ALMS1: variants seen among roughly 807,000 people sequenced by gnomAD.
ALMS1 encodes centrosome-associated protein ALMS1.
In ALMS1, 271 loss-of-function variants were observed where a neutral mutation model predicts 352.2. The ratio of observed to expected loss-of-function variants is 0.77; its 90% CI spans 0.70 to 0.85. ALMS1 has a LOEUF of 0.85. Ranked by LOEUF, ALMS1 falls within the 40% of genes least tolerant of loss-of-function variation. ALMS1 has a pLI of 0.00. For synonymous variants in ALMS1, 1,865 were observed against 1,761.2 expected (o/e 1.06, Z -1.48); for missense variants, 5,445 against 4,870.7 (o/e 1.12, Z -3.51).
chr2:73,461,846 A>G (rs1007620514), intron 9 of ALMS1, among the ~76,000 whole-genome samples: 1 of 152,206 alleles, frequency 6.6e-6, no homozygotes, highest in Non-Finnish European at 1.5e-5. Context: ...ACTGGAAGAA[A>G]GGGTATCAGT....
At chr2:73,515,201 A>G (rs934243936) in intron 10 of ALMS1, among the ~76,000 whole-genome samples, 6 of 152,144 alleles carry the variant, frequency 3.9e-5, no homozygotes, top group Admixed American at 6.5e-5. Context: ...ATTTGCTTCT[A>G]CTACAGTTGA....
intron 11 of ALMS1, among the ~76,000 whole-genome samples, chr2:73,533,334 C>G (rs557141100): frequency 6.6e-6 from 1 of 152,270 alleles, no homozygotes; most frequent in African/African-American, 2.4e-5. Context: ...ATGGTATATG[C>G]TATTTTATCA....
chr2:73,468,942 A>T (rs1005993263), intron 9 of ALMS1, among the ~76,000 whole-genome samples: 1 of 151,964 alleles, frequency 6.6e-6, no homozygotes, highest in East Asian at 1.9e-4. Flanking sequence ...TGCAGAGGCC[A>T]ACAAATCACA....
chr2:73,451,744 AG>A lies in ALMS1; in HGVS notation c.5218del (p.Ala1740LeufsTer15), dbSNP rs1489934959. 1 of 1,613,870 alleles carries A rather than the reference AG, an allele frequency of 6.2e-7. No homozygotes were observed. The highest frequency in any genetic ancestry group is 1.3e-5 in the African/African-American group (1 of 74,870). ...ELTQEALKVS[A>X]VPQPADQKTG... The stretch of plus-strand genomic sequence containing the variant: ...TAACTCAAGAAGCTCTGAAAGTTTC[AG>A]CTGTTCCTCAACCAGCTGACCAGAA... On this transcript the variant is annotated frameshift_variant, in exon 8 of 23. Coordinates refer to ENST00000613296, the MANE Select transcript of ALMS1 (RefSeq NM_001378454.1). LOFTEE classifies it high-confidence loss of function.
At chr2:73,528,097 G>A (rs560728846) in intron 11 of ALMS1, among the ~76,000 whole-genome samples, 1 of 151,912 alleles carries the variant, frequency 6.6e-6, no homozygotes, top group South Asian at 2.1e-4. Context: ...TTATTTCATT[G>A]TGATCAGAGA....
At chr2:73,460,082 A>T (rs1672156149) in intron 9 of ALMS1, among the ~76,000 whole-genome samples, 1 of 151,966 alleles carries the variant, frequency 6.6e-6, no homozygotes, top group African/African-American at 2.4e-5. Flanking sequence ...CACTTCCCTG[A>T]TAGTAAGAAA....
intron 2 of ALMS1, among the ~76,000 whole-genome samples, chr2:73,418,452 G>T (rs1278522396): frequency 1.3e-5 from 2 of 152,156 alleles, no homozygotes; most frequent in Non-Finnish European, 2.9e-5. Flanking sequence ...CAGCCCTTGC[G>T]TGCACCAAGT....
rs538259504 is a variant in ALMS1 at position 73,524,285 on chromosome 2, TTGTC to T, written c.9781+4272_9781+4275del. On this transcript the variant is annotated intron_variant, in intron 11 of 22. Transcript: ENST00000613296. ...TTATGAATTTATTTTTATTTTTAAT[TTGTC>T]TGGGTATATAGTAGACATAGATATT... is the stretch of plus-strand genomic sequence containing the variant. Among the ~76,000 whole-genome samples the T allele has an allele frequency of 3.5e-3, 538 of 152,288 alleles. 3 individuals carry two copies. Among genetic ancestry groups the T allele is most frequent in the Non-Finnish European group, 5.5e-3 (375 of 68,024 alleles).
chr2:73,559,336 A>G lies in ALMS1; in HGVS notation c.10384+194A>G, dbSNP rs115256983. On this transcript the variant is annotated intron_variant, in intron 15 of 22. Coordinates refer to ENST00000613296, the MANE Select transcript of ALMS1 (RefSeq NM_001378454.1). ...TTACTATATATATATATAGATTTCC[A>G]AAAAGTAATTGTTACTTTTTGGAAA... Among the ~76,000 whole-genome samples, 221 of 152,084 alleles carry G rather than the reference A, an allele frequency of 1.5e-3. 1 individual carries two copies. The highest frequency in any genetic ancestry group is 5.2e-3 in the African/African-American group (214 of 41,460).
intron 13 of ALMS1, among the ~76,000 whole-genome samples, chr2:73,551,497 C>T (rs1033108846): frequency 1.6e-5 from 2 of 129,030 alleles, no homozygotes; most frequent in East Asian, 2.3e-4. Flanking sequence ...AGTGCGATGG[C>T]GCGATCTTGG....
chr2:73,391,845 GA>G (rs1282023963), intron 1 of ALMS1, among the ~76,000 whole-genome samples: 2 of 152,108 alleles, frequency 1.3e-5, no homozygotes, highest in Non-Finnish European at 2.9e-5. Context: ...AAGTACAAAG[GA>G]ATTTTTCTTT....
chr2:73,504,145 C>A (rs1271919682), intron 10 of ALMS1, among the ~76,000 whole-genome samples: 1 of 152,116 alleles, frequency 6.6e-6, no homozygotes, highest in South Asian at 2.1e-4. Context: ...CACTCAGCTT[C>A]CCCATTGATA....
At chr2:73,585,320 A>T (rs1173758852) in intron 16 of ALMS1, among the ~76,000 whole-genome samples, 1 of 148,692 alleles carries the variant, frequency 6.7e-6, no homozygotes, top group Non-Finnish European at 1.5e-5. Flanking sequence ...ATTTATGGCC[A>T]TTCTTGCAGG....
At chr2:73,417,225 G>A (rs991788786) in intron 2 of ALMS1, among the ~76,000 whole-genome samples, 6 of 151,972 alleles carry the variant, frequency 3.9e-5, no homozygotes, top group Non-Finnish European at 5.9e-5. Flanking sequence ...ATAGAGTTGC[G>A]AAAAAAATCT....
At chr2:73,608,252 C>A (rs1675862201) in intron 21 of ALMS1, among the ~76,000 whole-genome samples, 1 of 152,154 alleles carries the variant, frequency 6.6e-6, no homozygotes, top group South Asian at 2.1e-4. Flanking sequence ...CATGTAAGCA[C>A]TATTAGGATT....
At chr2:73,394,657 C>G (rs1485076437) in intron 1 of ALMS1, among the ~76,000 whole-genome samples, 1 of 152,076 alleles carries the variant, frequency 6.6e-6, no homozygotes, top group Non-Finnish European at 1.5e-5. Context: ...GCCTAATCAT[C>G]TGGTTCATGA....
chr2:73,399,078 C>T (rs1161005249), intron 1 of ALMS1, among the ~76,000 whole-genome samples: 1 of 152,094 alleles, frequency 6.6e-6, no homozygotes, highest in Non-Finnish European at 1.5e-5. Context: ...GTCTCAAACT[C>T]CTGACCTTGT....
chr2:73,545,267 G>A (rs560982451), intron 12 of ALMS1, among the ~76,000 whole-genome samples: 12 of 148,360 alleles, frequency 8.1e-5, no homozygotes, highest in African/African-American at 3.0e-4. Context: ...TGCAGCCTCC[G>A]CCTCCCAGAT....
intron 2 of ALMS1, among the ~76,000 whole-genome samples, chr2:73,409,284 A>G (rs1671031929): frequency 6.6e-6 from 1 of 151,922 alleles, no homozygotes; most frequent in African/African-American, 2.4e-5. Context: ...TTTTTAGTTT[A>G]AAAATTTTTT....
Sources: allele counts gnomAD v4.1 joint callset (sites outside exome capture counted in the v4.1 genomes callset), GRCh38; gene constraint gnomAD v4.1.1; transcripts MANE v1.5; gene names NCBI Gene and HGNC (gene_info 2026-07-23, HGNC 2026-07-21).